Variants in PCDH9 observed in about 807,000 individuals in gnomAD.
PCDH9 encodes the protein protocadherin 9.
A neutral mutation model predicts 70.6 loss-of-function variants in PCDH9; 24 were observed. The ratio of observed to expected loss-of-function variants is 0.34; its 90% CI spans 0.25 to 0.48. The LOEUF is 0.48. Among genes scored for constraint, PCDH9 ranks in the 20% least tolerant of loss-of-function variants. The pLI is 0.99. For synonymous variants in PCDH9, 562 were observed against 558.5 expected (o/e 1.01, Z -0.09); for missense variants, 1,281 against 1,503.6 (o/e 0.85, Z 2.45).
At chr13:66,636,865 A>G (rs2077645077) in intron 3 of PCDH9, among the ~76,000 whole-genome samples, 1 of 152,086 alleles carries the variant, frequency 6.6e-6, no homozygotes, top group Non-Finnish European at 1.5e-5. Context: ...TGTTTTTGCT[A>G]TATCTCTGCA....
At chr13:67,083,688 A>G (rs1454291094) in intron 2 of PCDH9, among the ~76,000 whole-genome samples, 1 of 152,222 alleles carries the variant, frequency 6.6e-6, no homozygotes, top group African/African-American at 2.4e-5. Context: ...GGAAGATGTC[A>G]GAGTATACAT....
chr13:66,333,975 T>A (rs1955986798), intron 4 of PCDH9, among the ~76,000 whole-genome samples: 1 of 152,140 alleles, frequency 6.6e-6, no homozygotes, highest in South Asian at 2.1e-4. Context: ...ATGCATACAA[T>A]GTGTAATGAT....
chr13:67,104,301 G>A (rs1010166448), intron 2 of PCDH9, among the ~76,000 whole-genome samples: 4 of 152,088 alleles, frequency 2.6e-5, no homozygotes, highest in Non-Finnish European at 5.9e-5. Context: ...AGAAATATAT[G>A]GTAAAATAAT....
chr13:66,843,696 A>T (rs139686172), intron 3 of PCDH9, among the ~76,000 whole-genome samples: 40 of 152,254 alleles, frequency 2.6e-4, no homozygotes, highest in African/African-American at 8.9e-4. Context: ...TAATGTGTAC[A>T]CTCTGGAGAA....
chr13:66,805,519 G>A (rs1403050325), intron 3 of PCDH9, among the ~76,000 whole-genome samples: 1 of 152,172 alleles, frequency 6.6e-6, no homozygotes, highest in East Asian at 1.9e-4. Context: ...GGGAGGAGGT[G>A]AGTGGTGATA....
chr13:67,140,737 T>C (rs1042597811), intron 2 of PCDH9, among the ~76,000 whole-genome samples: 44 of 151,868 alleles, frequency 2.9e-4, no homozygotes, highest in Non-Finnish European at 5.0e-4. Context: ...AATGCTTCTC[T>C]TTTTTTAGGA....
intron 3 of PCDH9, among the ~76,000 whole-genome samples, chr13:66,718,294 G>T (rs1360306888): frequency 1.3e-5 from 2 of 152,116 alleles, no homozygotes; most frequent in Non-Finnish European, 2.9e-5. Flanking sequence ...AGGTGCTTTT[G>T]TATATGTTGT....
chr13:66,550,521 T>A (rs1395754119), intron 4 of PCDH9, among the ~76,000 whole-genome samples: 2 of 152,144 alleles, frequency 1.3e-5, no homozygotes, highest in Non-Finnish European at 2.9e-5. Context: ...GTGTTTGACC[T>A]CTTCTTCATT....
intron 4 of PCDH9, among the ~76,000 whole-genome samples, chr13:66,338,473 T>A (rs909796201): frequency 1.2e-4 from 19 of 152,146 alleles, no homozygotes; most frequent in East Asian, 1.9e-4. Flanking sequence ...GGTCTGAAAG[T>A]AAATATTTTC....
At chr13:67,100,109 A>C (rs115389965) in intron 2 of PCDH9, among the ~76,000 whole-genome samples, 1 of 152,254 alleles carries the variant, frequency 6.6e-6, no homozygotes, top group African/African-American at 2.4e-5. Context: ...GTCTTCATTA[A>C]ACACTCCTCC....
At chr13:66,724,926 T>A (rs1217180417) in intron 3 of PCDH9, among the ~76,000 whole-genome samples, 1 of 152,148 alleles carries the variant, frequency 6.6e-6, no homozygotes, top group East Asian at 1.9e-4. Flanking sequence ...ATTTGGGTAG[T>A]CATTATACAG....
At chr13:66,870,640 C>G (rs2081660601) in intron 3 of PCDH9, among the ~76,000 whole-genome samples, 1 of 152,164 alleles carries the variant, frequency 6.6e-6, no homozygotes, top group Non-Finnish European at 1.5e-5. Flanking sequence ...TGAAAAAATG[C>G]TCATCATCAC....
chr13:67,206,580 C>G (rs1229536426), intron 2 of PCDH9: 1 of 152,140 alleles, frequency 6.6e-6, no homozygotes, highest in Admixed American at 6.6e-5. Context: ...AAAACCTACT[C>G]TAGGAAAATG....
At chr13:67,163,377 G>A (rs1020771280) in intron 2 of PCDH9, among the ~76,000 whole-genome samples, 37 of 152,258 alleles carry the variant, frequency 2.4e-4, no homozygotes, top group African/African-American at 8.7e-4. Flanking sequence ...AGATAGATCA[G>A]GTATTTTAAC....
intron 4 of PCDH9, among the ~76,000 whole-genome samples, chr13:66,414,983 G>A (rs1257892452): frequency 6.6e-6 from 1 of 152,066 alleles, no homozygotes; most frequent in Non-Finnish European, 1.5e-5. Flanking sequence ...ATTGCTCAGA[G>A]GAAGATATTC....
chr13:66,669,720 C>A (rs2078145266), intron 3 of PCDH9, among the ~76,000 whole-genome samples: 1 of 152,048 alleles, frequency 6.6e-6, no homozygotes, highest in South Asian at 2.1e-4. Flanking sequence ...ACTAAAGGAA[C>A]AAAGGAAATG....
chr13:66,875,124 AC>A (rs1330036960), intron 3 of PCDH9, among the ~76,000 whole-genome samples: 1 of 152,196 alleles, frequency 6.6e-6, no homozygotes, highest in Non-Finnish European at 1.5e-5. Flanking sequence ...GTCAGTATCA[AC>A]ATCTCCCCTA....
chr13:66,541,799 G>C (rs1405909561), intron 4 of PCDH9, among the ~76,000 whole-genome samples: 1 of 152,200 alleles, frequency 6.6e-6, no homozygotes, highest in African/African-American at 2.4e-5. Context: ...ACCCACTACA[G>C]AGTAGATACT....
intron 2 of PCDH9, among the ~76,000 whole-genome samples, chr13:67,083,806 T>G (rs2138190478): frequency 6.6e-6 from 1 of 152,294 alleles, no homozygotes; most frequent in South Asian, 2.1e-4. Context: ...ATAATGAATT[T>G]ATTAGCATGT....
Sources: allele counts gnomAD v4.1 joint callset (sites outside exome capture counted in the v4.1 genomes callset), GRCh38; gene constraint gnomAD v4.1.1; transcripts MANE v1.5; gene names NCBI Gene and HGNC (gene_info 2026-07-23, HGNC 2026-07-21).